The following E2F3 variants were observed in gnomAD, a reference collection of about 807,000 sequenced individuals.
E2F3 encodes transcription factor E2F3.
E2F3 carries 11 observed loss-of-function variants against 44.4 expected under a neutral mutation model. The observed-to-expected ratio is 0.25, with a 90% CI of 0.16 to 0.41. The LOEUF (loss-of-function observed/expected upper bound fraction) is 0.41. Among genes scored for constraint, E2F3 ranks in the 10% least tolerant of loss-of-function variants. E2F3 has a pLI of 1.00. For synonymous variants in E2F3, 249 were observed against 253.0 expected (o/e 0.98, Z 0.15); for missense variants, 487 against 583.6 (o/e 0.83, Z 1.70).
At chr6:20,420,345 G>T (rs1759982700) in intron 1 of E2F3, among the ~76,000 whole-genome samples, 1 of 152,000 alleles carries the variant, frequency 6.6e-6, no homozygotes, top group East Asian at 1.9e-4. Flanking sequence ...TAGCCTCTTT[G>T]AATTCTTTAT....
rs145064446 is a variant in E2F3 at position 20,459,523 on chromosome 6, T to C, written c.394-20323T>C. ...CTGAAAATTGATGTCACCGTTTACA[T>C]TGATTTTTTTTAATACATAGAAAAT... is the stretch of plus-strand genomic sequence containing the variant. On this transcript the variant is annotated intron_variant, in intron 1 of 6. Coordinates refer to ENST00000346618, the MANE Select transcript of E2F3 (RefSeq NM_001949.5). Among the ~76,000 whole-genome samples the C allele has an allele frequency of 3.6e-3, 546 of 152,358 alleles. 5 individuals carry two copies. Among genetic ancestry groups the C allele is most frequent in the Middle Eastern group, 0.01 (3 of 294 alleles).
Position 20,402,738 on chromosome 6 carries a change from G to A in E2F3, c.393+113G>A. The A allele has an allele frequency of 8.0e-7, 1 of 1,248,900 alleles. No individual in the cohort carries two copies. The highest frequency in any genetic ancestry group is 1.0e-6 in the Non-Finnish European group (1 of 998,208). The allele number at this position is 1,248,900 out of a possible 1,614,324, so 77.4% of individuals were successfully genotyped here. A position where few individuals can be genotyped will look rare whatever the true frequency, so the allele number is the denominator to read the frequency against. The stretch of plus-strand genomic sequence containing the variant: ...GGGAGAGCACTGGGCCGAGCATCGT[G>A]GGCCTCGGGGGCTGCCCCTCCAACG... On this transcript the variant is annotated intron_variant, in intron 1 of 6. Coordinates refer to ENST00000346618, the MANE Select transcript of E2F3 (RefSeq NM_001949.5). The surrounding 1 kb of genome is among the most constrained non-coding windows in gnomAD (Gnocchi z 5.6).
chr6:20,456,003 G>A (rs942388051), intron 1 of E2F3, among the ~76,000 whole-genome samples: 2 of 152,034 alleles, frequency 1.3e-5, no homozygotes, highest in African/African-American at 2.4e-5. Flanking sequence ...TTCCATTTTT[G>A]CTTAGAATTC....
intron 1 of E2F3, among the ~76,000 whole-genome samples, chr6:20,431,411 G>A (rs1270343421): frequency 6.6e-6 from 1 of 152,200 alleles, no homozygotes; most frequent in Non-Finnish European, 1.5e-5. Context: ...GCTGAGATTT[G>A]CCTTCTGCTG....
chr6:20,464,392 G>T (rs555742997), intron 1 of E2F3, among the ~76,000 whole-genome samples: 2 of 152,166 alleles, frequency 1.3e-5, no homozygotes, highest in Non-Finnish European at 1.5e-5. Flanking sequence ...GCATTCCTCA[G>T]GTAGGTAGCA....
chr6:20,481,694 C>A (rs1762229923), intron 3 of E2F3, among the ~76,000 whole-genome samples: 1 of 152,138 alleles, frequency 6.6e-6, no homozygotes, highest in Non-Finnish European at 1.5e-5. Context: ...GAGGTCCCTG[C>A]AGTTGGAAAG....
chr6:20,444,661 A>G (rs1760881495), intron 1 of E2F3, among the ~76,000 whole-genome samples: 1 of 152,218 alleles, frequency 6.6e-6, no homozygotes, highest in Non-Finnish European at 1.5e-5. Flanking sequence ...GCTGTTTTGT[A>G]CAACTTTTGT....
At chr6:20,403,870 CG>C in intron 1 of E2F3, 1 of 1,280,470 alleles carries the variant, frequency 7.8e-7, no homozygotes, top group Non-Finnish European at 1.1e-6. Context: ...GCCGACGCCG[CG>C]GGGGCACCGG....
At chr6:20,470,058 G>A (rs1023760712) in intron 1 of E2F3, among the ~76,000 whole-genome samples, 8 of 152,036 alleles carry the variant, frequency 5.3e-5, no homozygotes, top group African/African-American at 9.7e-5. Flanking sequence ...AAGCACCTCC[G>A]AACCAGGACT....
intron 1 of E2F3, among the ~76,000 whole-genome samples, chr6:20,442,814 A>G (rs1022840108): frequency 1.3e-5 from 2 of 152,116 alleles, no homozygotes; most frequent in African/African-American, 4.8e-5. Context: ...TACTAAAAAT[A>G]GAAAAATTGG....
chr6:20,477,415 C>A (rs1304730525), intron 1 of E2F3, among the ~76,000 whole-genome samples: 1 of 152,070 alleles, frequency 6.6e-6, no homozygotes, highest in Non-Finnish European at 1.5e-5. Context: ...AAAGTGGAAT[C>A]CACAGGATAG....
chr6:20,429,191 C>T (rs1306018820), intron 1 of E2F3, among the ~76,000 whole-genome samples: 1 of 152,174 alleles, frequency 6.6e-6, no homozygotes, highest in African/African-American at 2.4e-5. Flanking sequence ...AATTCTTTGC[C>T]TATCACAGGC....
chr6:20,435,652 G>A (rs1165875333), intron 1 of E2F3, among the ~76,000 whole-genome samples: 3 of 152,182 alleles, frequency 2.0e-5, no homozygotes, highest in African/African-American at 7.2e-5. Flanking sequence ...TTGGGAGGCT[G>A]AGGCAGGAGA....
intron 1 of E2F3, among the ~76,000 whole-genome samples, chr6:20,442,590 A>T (rs1232019309): frequency 6.6e-6 from 1 of 152,220 alleles, no homozygotes; most frequent in Non-Finnish European, 1.5e-5. Flanking sequence ...TTGTGTGTAT[A>T]TTTATATCTG....
intron 6 of E2F3, among the ~76,000 whole-genome samples, chr6:20,489,867 G>A (rs1762505650): frequency 1.3e-5 from 2 of 152,148 alleles, no homozygotes; most frequent in Non-Finnish European, 1.5e-5. Flanking sequence ...CTACTTGGGA[G>A]GCTGAGGTGG....
At chr6:20,428,083 A>G (rs574512344) in intron 1 of E2F3, among the ~76,000 whole-genome samples, 1 of 152,360 alleles carries the variant, frequency 6.6e-6, no homozygotes, top group Non-Finnish European at 1.5e-5. Context: ...AACTAAGGTC[A>G]CAGACATTTA....
Position 20,437,182 on chromosome 6 carries a change from T to A in E2F3, c.393+34557T>A, listed in dbSNP as rs182241527. ...GGAGTGTACTACTGAGAAATAGAAG[T>A]CCCTTGGTTGGACCTAGCTTATAAG... On this transcript the variant is annotated intron_variant, in intron 1 of 6. Transcript: ENST00000346618. 1.5e-3 allele frequency among the ~76,000 whole-genome samples: 223 copies of A among 152,290 alleles called. 2 individuals carry two copies. Among genetic ancestry groups the A allele is most frequent in the Admixed American group, 0.011 (166 of 15,292 alleles).
intron 1 of E2F3, among the ~76,000 whole-genome samples, chr6:20,464,367 G>A (rs957004015): frequency 6.6e-6 from 1 of 152,168 alleles, no homozygotes; most frequent in Non-Finnish European, 1.5e-5. Flanking sequence ...CTAAGGGGGA[G>A]GTTATCTCCT....
chr6:20,405,445 C>A (rs1759462788), intron 1 of E2F3, among the ~76,000 whole-genome samples: 1 of 148,686 alleles, frequency 6.7e-6, no homozygotes, highest in African/African-American at 2.5e-5. Context: ...CTCCCGAGTT[C>A]AAGCATTCTC....
Sources: allele counts gnomAD v4.1 joint callset (sites outside exome capture counted in the v4.1 genomes callset), GRCh38; gene constraint gnomAD v4.1.1; non-coding constraint Gnocchi (gnomAD v3.1); transcripts MANE v1.5; gene names NCBI Gene and HGNC (gene_info 2026-07-23, HGNC 2026-07-21).